Variants in CDKL1 observed in about 807,000 individuals in gnomAD.
CDKL1 encodes cyclin dependent kinase like 1.
Under a neutral mutation model 42.0 loss-of-function variants are expected in CDKL1, and 41 were observed. That is an observed-to-expected ratio of 0.98 (90% CI 0.76 to 1.27). CDKL1 has a LOEUF of 1.27. Among genes scored for constraint, CDKL1 ranks in the 50% most tolerant of loss-of-function variants. The pLI is 0.00. For synonymous variants in CDKL1, 153 were observed against 158.6 expected (o/e 0.96, Z 0.26); for missense variants, 394 against 428.4 (o/e 0.92, Z 0.71).
chr14:50,396,368 A>G lies in CDKL1; in HGVS notation c.-461-39T>C, dbSNP rs1283522913. 3.0e-6 allele frequency: 3 copies of G among 985,912 alleles called. No individual in the cohort carries two copies. In the East Asian group the frequency reaches 3.4e-4, roughly 112 times the overall value. The allele number at this position is 985,912 out of a possible 1,614,324, so 61.1% of individuals were successfully genotyped here. On this transcript the variant is annotated intron_variant, in intron 1 of 9. Coordinates refer to ENST00000395834, the MANE Select transcript of CDKL1 (RefSeq NM_004196.7). ...GCACATGTTAAGGAATGAAGAGTGT[A>G]CCCGTGTCGGCAATGGCAACGCGAT...
chr14:50,348,350 T>A (rs1422383704), intron 3 of CDKL1, among the ~76,000 whole-genome samples: 1 of 152,128 alleles, frequency 6.6e-6, no homozygotes, highest in Non-Finnish European at 1.5e-5. Context: ...GGAAACACTC[T>A]CCACTACTGG....
At chr14:50,343,648 C>T in intron 4 of CDKL1, among the ~76,000 whole-genome samples, 1 of 152,162 alleles carries the variant, frequency 6.6e-6, no homozygotes, top group Non-Finnish European at 1.5e-5. Context: ...TCTGCACCCA[C>T]CCCCATCAGC....
intron 2 of CDKL1, chr14:50,363,210 G>GT (rs748023646): frequency 9.3e-6 from 2 of 214,338 alleles, no homozygotes; most frequent in Non-Finnish European, 2.0e-5. Context: ...TTTAAGAAGT[G>GT]TAACACTCAC....
In CDKL1 at chr14:50,345,043, G is replaced by A. The variant is rs375844029; in HGVS notation, c.306C>T (p.Leu102=). The A allele has an allele frequency of 6.8e-6, 11 of 1,613,828 alleles. No individual in the cohort carries two copies. The highest frequency in any genetic ancestry group is 2.2e-5 in the East Asian group (1 of 44,866). ...DRYQRGVPEH[L]VKSITWQTLQ... ...GTGTCTGCCAAGTTATGCTCTTCAC[G>A]AGATGTTCTGGTACCCTAATAAAAA... Residue 102 remains leucine, a synonymous_variant, in exon 4 of 10, where the codon CTC becomes CTT. Transcript: ENST00000395834.
chr14:50,365,468 T>C (rs1265496035), intron 2 of CDKL1, among the ~76,000 whole-genome samples: 1 of 152,170 alleles, frequency 6.6e-6, no homozygotes, highest in Non-Finnish European at 1.5e-5. Context: ...GTTATAAATA[T>C]TAAATTATCA....
At chr14:50,383,845 C>A (rs2034995385) in intron 2 of CDKL1, among the ~76,000 whole-genome samples, 1 of 152,112 alleles carries the variant, frequency 6.6e-6, no homozygotes, top group South Asian at 2.1e-4. Context: ...AGGTAACGAG[C>A]CAGCTTGTTG....
intron 4 of CDKL1, 73 bp downstream of exon 4, chr14:50,344,913 T>G: frequency 7.8e-7 from 1 of 1,287,230 alleles, no homozygotes; most frequent in Non-Finnish European, 1.1e-6. Flanking sequence ...AAGTGTGACA[T>G]AAACTTTGTA....
chr14:50,335,227 T>C (rs2033192802), intron 7 of CDKL1, among the ~76,000 whole-genome samples: 2 of 144,784 alleles, frequency 1.4e-5, no homozygotes, highest in African/African-American at 2.6e-5. Context: ...GTTTGGGAGA[T>C]TGAGGCTGCA....
In CDKL1 at chr14:50,341,161, C is replaced by G; in HGVS notation, c.526G>C (p.Asp176His). 6.2e-7 allele frequency: 1 copy of G among 1,614,184 alleles called. No individual in the cohort carries two copies. ...TCCACCGGGGGGCCGTACTGCGTGT[C>G]CCCCACCAGCAGCTCAGGGGAGCGG... The part of the protein sequence containing the change: ...WYRSPELLVG[D>H]TQYGPPVDVW... Residue 176 changes from aspartate to histidine, a missense_variant, in exon 6 of 10, where the codon GAC (aspartate) becomes CAC (histidine). Asp to His is a moderately conservative substitution (Grantham distance 81). Coordinates refer to ENST00000395834, the MANE Select transcript of CDKL1 (RefSeq NM_004196.7).
At chr14:50,376,657 GA>G (rs993953524) in intron 2 of CDKL1, among the ~76,000 whole-genome samples, 10 of 152,222 alleles carry the variant, frequency 6.6e-5, no homozygotes, top group South Asian at 2.1e-4. Context: ...TAAAATATGT[GA>G]AAATAGGAAG....
chr14:50,389,731 C>T lies in CDKL1; in HGVS notation c.168+5970G>A, dbSNP rs10130714. Among the ~76,000 whole-genome samples, 17 of 152,184 alleles carry T rather than the reference C, an allele frequency of 1.1e-4. No individual in the cohort carries two copies. In the South Asian group the frequency reaches 3.1e-3, roughly 28 times the overall value. On this transcript the variant is annotated intron_variant, in intron 2 of 9. Coordinates refer to ENST00000395834, the MANE Select transcript of CDKL1 (RefSeq NM_004196.7). ...TATGGAAAGAACGGCTGTTCAGCTA[C>T]AATCTGCACTCAGGCCTCCACAGAA...
intron 2 of CDKL1, among the ~76,000 whole-genome samples, chr14:50,390,915 G>C (rs1025483852): frequency 6.6e-6 from 1 of 152,032 alleles, no homozygotes; most frequent in Non-Finnish European, 1.5e-5. Context: ...GCTCACTGCA[G>C]CCTTGACTCC....
Position 50,334,195 on chromosome 14 carries a change from C to T in CDKL1, c.795+370G>A, listed in dbSNP as rs57696743. On this transcript the variant is annotated intron_variant, in intron 8 of 9. Coordinates refer to ENST00000395834, the MANE Select transcript of CDKL1 (RefSeq NM_004196.7). ...TTTTTGAGACGGAGTCTTACTCTGT[C>T]ACCCAAGCTGGAGTGCAGTCGTGCA... is the stretch of plus-strand genomic sequence containing the variant. 5.9e-3 allele frequency: 986 copies of T among 167,612 alleles called. 13 individuals carry two copies. Among genetic ancestry groups the T allele is most frequent in the African/African-American group, 0.021 (898 of 41,910 alleles). The allele number at this position is 167,612 out of a possible 1,614,324, so 10.4% of individuals were successfully genotyped here.
chr14:50,378,536 AC>A, intron 2 of CDKL1: 1 of 955,450 alleles, frequency 1.0e-6, no homozygotes, highest in South Asian at 1.6e-5. Flanking sequence ...TTTAAATTTT[AC>A]TTTTATTTTT....
upstream of CDKL1, chr14:50,397,217 C>T (rs769669310): frequency 7.3e-7 from 1 of 1,366,640 alleles, no homozygotes. Flanking sequence ...AGTCCCCACA[C>T]CTCAGAACCG....
chr14:50,393,838 G>C (rs1257170798), intron 2 of CDKL1, among the ~76,000 whole-genome samples: 1 of 152,128 alleles, frequency 6.6e-6, no homozygotes, highest in Non-Finnish European at 1.5e-5. Flanking sequence ...CCATCCTTTG[G>C]AGGATATCAA....
At chr14:50,393,630 G>A (rs1043689750) in intron 2 of CDKL1, among the ~76,000 whole-genome samples, 2 of 152,102 alleles carry the variant, frequency 1.3e-5, no homozygotes, top group Non-Finnish European at 2.9e-5. Flanking sequence ...CCACAGGCAC[G>A]CACCACCATG....
intron 3 of CDKL1, among the ~76,000 whole-genome samples, chr14:50,347,710 G>C (rs1289298232): frequency 6.6e-6 from 1 of 152,162 alleles, no homozygotes; most frequent in Non-Finnish European, 1.5e-5. Flanking sequence ...GGAAGGTCAG[G>C]CTGGAAATAT....
chr14:50,357,925 G>C, intron 3 of CDKL1: 1 of 529,100 alleles, frequency 1.9e-6, no homozygotes. Flanking sequence ...GAAGAATTAG[G>C]GCTGGGAGAG....
Sources: gnomAD v4.1 joint callset for allele counts (sites outside exome capture counted in the v4.1 genomes callset) on GRCh38, gnomAD v4.1.1 for gene constraint, MANE v1.5 for transcripts, NCBI Gene and HGNC (gene_info 2026-07-23, HGNC 2026-07-21) for gene names.